The following ZNF506 variants were observed in gnomAD, a reference collection of about 807,000 sequenced individuals.
ZNF506 encodes zinc finger protein 506.
A neutral mutation model predicts 11.6 loss-of-function variants in ZNF506; 10 were observed. The ratio of observed to expected loss-of-function variants is 0.86; its 90% CI spans 0.53 to 1.46. The LOEUF is 1.46. Ranked by LOEUF, ZNF506 falls within the 40% of genes most tolerant of loss-of-function variation. The pLI, the probability that ZNF506 is intolerant of heterozygous loss-of-function variation, is 0.00. For missense variants in ZNF506, 425 were observed against 521.2 expected, an observed-to-expected ratio of 0.82 and a Z score of 1.80; for synonymous variants, 156 against 173.3, an observed-to-expected ratio of 0.90 and a Z score of 0.78.
chr19:19,816,021 C>T (rs966591600), intron 1 of ZNF506, among the ~76,000 whole-genome samples: 2 of 152,058 alleles, frequency 1.3e-5, no homozygotes, highest in African/African-American at 4.8e-5. Context: ...GCTCCAGGAA[C>T]AGTTTATGGA....
chr19:19,812,643 G>A (rs530359944), intron 1 of ZNF506, among the ~76,000 whole-genome samples: 1 of 152,184 alleles, frequency 6.6e-6, no homozygotes, highest in African/African-American at 2.4e-5. Flanking sequence ...AATGCCTTTT[G>A]TTAGTTTTCT....
chr19:19,810,992 T>G (rs2062878966), intron 1 of ZNF506, among the ~76,000 whole-genome samples: 1 of 152,176 alleles, frequency 6.6e-6, no homozygotes, highest in African/African-American at 2.4e-5. Context: ...TATGTAGAAT[T>G]CTGTTCTCTA....
chr19:19,817,320 C>G (rs1242857760), intron 1 of ZNF506, among the ~76,000 whole-genome samples: 1 of 152,176 alleles, frequency 6.6e-6, no homozygotes, highest in Non-Finnish European at 1.5e-5. Context: ...TTGCACCTCC[C>G]TAGGAAAGAA....
At chr19:19,813,930 A>G (rs2062905711) in intron 1 of ZNF506, among the ~76,000 whole-genome samples, 1 of 152,148 alleles carries the variant, frequency 6.6e-6, no homozygotes, top group African/African-American at 2.4e-5. Context: ...GTAATCCAAT[A>G]TCATGCCATG....
intron 1 of ZNF506, among the ~76,000 whole-genome samples, chr19:19,807,761 G>C (rs2062846790): frequency 6.6e-6 from 1 of 152,128 alleles, no homozygotes; most frequent in African/African-American, 2.4e-5. Context: ...CGCTGCTTCA[G>C]CCTCCCAAAG....
At chr19:19,818,384 T>C (rs1004388907) in intron 1 of ZNF506, among the ~76,000 whole-genome samples, 7 of 152,222 alleles carry the variant, frequency 4.6e-5, no homozygotes, top group African/African-American at 1.7e-4. Flanking sequence ...TGACGATCTA[T>C]ATAACTCATC....
intron 1 of ZNF506, among the ~76,000 whole-genome samples, chr19:19,810,482 AG>A (rs1357987684): frequency 6.6e-6 from 1 of 152,196 alleles, no homozygotes; most frequent in Admixed American, 6.5e-5. Flanking sequence ...GCTGGCACTA[AG>A]GGTTTAATAA....
intron 3 of ZNF506, among the ~76,000 whole-genome samples, chr19:19,801,970 G>A (rs190451303): frequency 2.4e-4 from 37 of 151,340 alleles, no homozygotes; most frequent in East Asian, 2.0e-4. Flanking sequence ...ATGGGAGGCC[G>A]AGGCGGGCAG....
At position 19,793,133 on chromosome 19, in the gene ZNF506, G is replaced by C. The variant is rs1229089889; in HGVS notation, c.*1419C>G. Among the ~76,000 whole-genome samples, 1 of 151,878 alleles carries C rather than the reference G, an allele frequency of 6.6e-6. No homozygotes were observed. The highest frequency in any genetic ancestry group is 1.5e-5 in the Non-Finnish European group (1 of 67,916). On this transcript the variant is annotated 3_prime_UTR_variant, in exon 4 of 4. Transcript: ENST00000540806. Reference sequence around the variant, plus strand: ...TTCACTGTTCAAAAATTTTTTTCAAGAAACAAGTACACTTTCAATGAAATT... The same window carrying C: ...TTCACTGTTCAAAAATTTTTTTCAACAAACAAGTACACTTTCAATGAAATT...
chr19:19,801,027 G>A (rs2062787863), intron 3 of ZNF506, among the ~76,000 whole-genome samples: 1 of 151,936 alleles, frequency 6.6e-6, no homozygotes, highest in Admixed American at 6.6e-5. Context: ...AGGTATGGTG[G>A]CGCATGCCTA....
At position 19,795,200 on chromosome 19, in the gene ZNF506, G is replaced by A. The variant is rs754161983; in HGVS notation, c.687C>T (p.Tyr229=). The A allele has an allele frequency of 6.8e-6, 11 of 1,613,810 alleles. No individual in the cohort carries two copies. The highest frequency in any genetic ancestry group is 2.2e-5 in the South Asian group (2 of 91,078). Residue 229 remains tyrosine (Y), a synonymous_variant, in exon 4 of 4, where the codon TAC becomes TAT. Transcript: ENST00000540806. ...HKKIHTGEKP[Y]KCEECGKAYK... is the part of the protein sequence containing the mutation. ...AGGCTTTGCCACATTCTTCACATTT[G>A]TAGGGTTTCTCTCCAGTATGAATTT...
intron 1 of ZNF506, among the ~76,000 whole-genome samples, chr19:19,819,172 C>A (rs983237709): frequency 1.4e-4 from 21 of 152,024 alleles, no homozygotes; most frequent in African/African-American, 4.6e-4. Flanking sequence ...AGTTTTTACG[C>A]CCTCTCACTG....
intron 1 of ZNF506, among the ~76,000 whole-genome samples, chr19:19,820,081 G>C (rs1437531460): frequency 6.6e-6 from 1 of 151,228 alleles, no homozygotes; most frequent in African/African-American, 2.4e-5. Flanking sequence ...TGGCGACAGA[G>C]TGAGACTCCA....
intron 3 of ZNF506, among the ~76,000 whole-genome samples, chr19:19,800,859 A>G (rs1295360370): frequency 6.6e-6 from 1 of 152,194 alleles, no homozygotes; most frequent in Non-Finnish European, 1.5e-5. Context: ...TCACGTAGAC[A>G]GGATTAAAAA....
Position 19,821,620 on chromosome 19 carries a change from G to A in ZNF506, c.-17C>T, listed in dbSNP as rs750737682. The A allele has an allele frequency of 6.2e-7, 1 of 1,614,004 alleles. No individual in the cohort carries two copies. The highest frequency in any genetic ancestry group is 2.2e-5 in the East Asian group (1 of 44,870). On this transcript the variant is annotated 5_prime_UTR_variant, in exon 1 of 4. Coordinates refer to ENST00000540806, the MANE Select transcript of ZNF506 (RefSeq NM_001099269.3). Reference sequence around the variant, plus strand: ...TCTCACCATTTCTAGGCTTCCAGGGGGTCCCGGCGTCCTAGCTGTGACCCT... The same window carrying A: ...TCTCACCATTTCTAGGCTTCCAGGGAGTCCCGGCGTCCTAGCTGTGACCCT...
rs1254597933 is a variant in ZNF506 at position 19,793,605 on chromosome 19, CT to C, written c.*946del. Among the ~76,000 whole-genome samples the C allele has an allele frequency of 2.0e-5, 3 of 152,118 alleles. No homozygotes were observed. The highest frequency in any genetic ancestry group is 4.4e-5 in the Non-Finnish European group (3 of 68,020). ...CAGAATAAATATTCTTCTTTAAAGGCTTATATTTTCTGAAAGATTTTTTGAC... is the reference window on the plus strand; with the variant it reads ...CAGAATAAATATTCTTCTTTAAAGGCTATATTTTCTGAAAGATTTTTTGAC... On this transcript the variant is annotated 3_prime_UTR_variant, in exon 4 of 4. Transcript: ENST00000540806.
intron 1 of ZNF506, among the ~76,000 whole-genome samples, chr19:19,808,992 T>C (rs1382937859): frequency 1.3e-5 from 2 of 152,178 alleles, no homozygotes; most frequent in East Asian, 3.8e-4. Flanking sequence ...TTTTCAGAAC[T>C]TTCTGGGTAA....
In ZNF506 at chr19:19,795,383, A is replaced by G. The variant is rs2062731874; in HGVS notation, c.504T>C (p.Thr168=). 1.2e-6 allele frequency: 2 copies of G among 1,606,862 alleles called. No homozygotes were observed. The highest frequency in any genetic ancestry group is 1.7e-6 in the Non-Finnish European group (2 of 1,176,462). ...CTATACATTTAAAAGATTTTTTTCCAGTATCTCTTATCTTATGTTTGTTTG... is the reference window on the plus strand; with the variant it reads ...CTATACATTTAAAAGATTTTTTTCCGGTATCTCTTATCTTATGTTTGTTTG... ...SNSNKHKIRD[T]GKKSFKCIEY... Residue 168 remains threonine (T), a synonymous_variant, in exon 4 of 4, where the codon ACT becomes ACC. Transcript: ENST00000540806.
chr19:19,811,736 A>C (rs1249338152), intron 1 of ZNF506, among the ~76,000 whole-genome samples: 1 of 152,154 alleles, frequency 6.6e-6, no homozygotes, highest in Non-Finnish European at 1.5e-5. Flanking sequence ...AGGGTGGCAG[A>C]GGTTGCAGTG....
Sources: gnomAD v4.1 joint callset for allele counts (sites outside exome capture counted in the v4.1 genomes callset) on GRCh38, gnomAD v4.1.1 for gene constraint, MANE v1.5 for transcripts, NCBI Gene and HGNC (gene_info 2026-07-23, HGNC 2026-07-21) for gene names.